COL5A2: variants seen among roughly 807,000 people sequenced by gnomAD.
COL5A2 encodes the protein collagen alpha-2(V) chain.
A neutral mutation model predicts 208.2 loss-of-function variants in COL5A2; 23 were observed. That is an observed-to-expected ratio of 0.11 (90% CI 0.08 to 0.16). The LOEUF is 0.16. Ranked by LOEUF, COL5A2 falls within the 10% of genes least tolerant of loss-of-function variation. The pLI is 1.00. For synonymous variants in COL5A2, 625 were observed against 628.5 expected, an observed-to-expected ratio of 0.99 and a Z score of 0.08; for missense variants, 1,590 against 1,956.4, an observed-to-expected ratio of 0.81 and a Z score of 3.53.
intron 1 of COL5A2, among the ~76,000 whole-genome samples, chr2:189,175,496 C>G (rs909679498): frequency 1.9e-4 from 29 of 151,546 alleles, no homozygotes; most frequent in African/African-American, 7.0e-4. Context: ...AATATGCCAG[C>G]CTTTCACTAC....
At chr2:189,419,711 G>A in the COL5A2 span, among the ~76,000 whole-genome samples, 1 of 151,794 alleles carries the variant, frequency 6.6e-6, no homozygotes, top group Non-Finnish European at 1.5e-5. Context: ...CAGGAGGATC[G>A]CCTGACCCCA....
At chr2:189,224,645 T>C (rs1428232623) in intron 1 of COL5A2, among the ~76,000 whole-genome samples, 1 of 151,922 alleles carries the variant, frequency 6.6e-6, no homozygotes. Context: ...GCTGAGAACA[T>C]GCCACTGCAC....
chr2:189,121,528 C>G (rs540310392), intron 1 of COL5A2, among the ~76,000 whole-genome samples: 1 of 151,906 alleles, frequency 6.6e-6, no homozygotes, highest in African/African-American at 2.4e-5. Context: ...TGCGGTGGTG[C>G]GGGCCAGCAG....
chr2:189,291,252 T>C, the COL5A2 span, among the ~76,000 whole-genome samples: 1 of 152,260 alleles, frequency 6.6e-6, no homozygotes, highest in East Asian at 1.9e-4. Context: ...AGTATCCTAA[T>C]AGATATCTTT....
chr2:189,103,539 G>A (rs1035961906), intron 3 of COL5A2, among the ~76,000 whole-genome samples: 6 of 151,998 alleles, frequency 3.9e-5, no homozygotes, highest in African/African-American at 1.2e-4. Flanking sequence ...TGAAGTAAAT[G>A]CCATAATTTT....
chr2:189,339,327 T>C, the COL5A2 span, among the ~76,000 whole-genome samples: 3 of 143,580 alleles, frequency 2.1e-5, no homozygotes, highest in African/African-American at 5.2e-5. Flanking sequence ...CTCCAGCCTA[T>C]ACAACAGAGT....
chr2:189,322,463 C>A, the COL5A2 span, among the ~76,000 whole-genome samples: 1 of 152,054 alleles, frequency 6.6e-6, no homozygotes, highest in Non-Finnish European at 1.5e-5. Context: ...AGAGAAGAAT[C>A]AAACAGACGC....
chr2:189,350,421 G>C, the COL5A2 span, among the ~76,000 whole-genome samples: 3 of 151,914 alleles, frequency 2.0e-5, no homozygotes, highest in African/African-American at 7.3e-5. Context: ...ATATAAGAAA[G>C]CTCTAAAAAG....
chr2:189,049,343 T>C lies in COL5A2; in HGVS notation c.3147+4A>G, dbSNP rs1685734102. 6.3e-7 allele frequency: 1 copy of C among 1,594,230 alleles called. No homozygotes were observed. Among genetic ancestry groups the C allele is most frequent in the African/African-American group, 1.3e-5 (1 of 74,590 alleles). ...AGAAGAGTTATTTTCACTGTAGTAC[T>C]CACTTCTGGTCCAGGTTCCCCTACA... On this transcript the variant is annotated splice_donor_region_variant and intron_variant, in intron 44 of 53. Coordinates refer to ENST00000374866, the MANE Select transcript of COL5A2 (RefSeq NM_000393.5).
chr2:189,209,659 A>G (rs1191553839), intron 1 of COL5A2, among the ~76,000 whole-genome samples: 1 of 152,230 alleles, frequency 6.6e-6, no homozygotes, highest in Non-Finnish European at 1.5e-5. Flanking sequence ...GAAAGAAGCA[A>G]CAATATTTGG....
At chr2:189,401,779 G>A in the COL5A2 span, among the ~76,000 whole-genome samples, 3 of 152,158 alleles carry the variant, frequency 2.0e-5, no homozygotes, top group Admixed American at 2.0e-4. Context: ...GGGGTTAGGT[G>A]GTATCTCACT....
chr2:189,275,417 CAT>C, the COL5A2 span, among the ~76,000 whole-genome samples: 8 of 149,340 alleles, frequency 5.4e-5, no homozygotes, highest in African/African-American at 1.7e-4. Flanking sequence ...AAAATTGAAA[CAT>C]GGAGTATCTT....
At chr2:189,069,741 A>G (rs1686229877) in intron 18 of COL5A2, among the ~76,000 whole-genome samples, 1 of 152,238 alleles carries the variant, frequency 6.6e-6, no homozygotes, top group Non-Finnish European at 1.5e-5. Flanking sequence ...ACAGAACAAT[A>G]AATTGTTTCC....
At chr2:189,373,834 C>CTATAATTCT in the COL5A2 span, among the ~76,000 whole-genome samples, 1 of 152,110 alleles carries the variant, frequency 6.6e-6, no homozygotes, top group Non-Finnish European at 1.5e-5. Context: ...TGAGTCGGTT[C>CTATAATTCT]TATAATTCTT....
chr2:189,425,885 C>T, the COL5A2 span, among the ~76,000 whole-genome samples: 1 of 152,142 alleles, frequency 6.6e-6, no homozygotes, highest in Admixed American at 6.6e-5. Context: ...TTGCACATTT[C>T]CTGAGGCCTC....
At chr2:189,252,007 A>G in the COL5A2 span, among the ~76,000 whole-genome samples, 1 of 152,248 alleles carries the variant, frequency 6.6e-6, no homozygotes, top group African/African-American at 2.4e-5. Context: ...AGACACATGA[A>G]AAAATGCTCA....
chr2:189,129,275 A>C (rs936761545), intron 1 of COL5A2, among the ~76,000 whole-genome samples: 9 of 152,070 alleles, frequency 5.9e-5, no homozygotes, highest in Non-Finnish European at 1.3e-4. Flanking sequence ...CTGTTTTTCT[A>C]TGCTTTTATA....
At chr2:189,398,218 G>C in the COL5A2 span, among the ~76,000 whole-genome samples, 1 of 152,064 alleles carries the variant, frequency 6.6e-6, no homozygotes, top group Non-Finnish European at 1.5e-5. Context: ...AGCCGGCCAA[G>C]CTATGGAAAA....
chr2:189,151,830 G>A (rs1001448669), intron 1 of COL5A2, among the ~76,000 whole-genome samples: 2 of 152,028 alleles, frequency 1.3e-5, no homozygotes, highest in Non-Finnish European at 2.9e-5. Context: ...ATCCTAGTAA[G>A]AAATTATATA....
Sources: allele counts gnomAD v4.1 joint callset (sites outside exome capture counted in the v4.1 genomes callset), GRCh38; gene constraint gnomAD v4.1.1; transcripts MANE v1.5; gene names NCBI Gene and HGNC (gene_info 2026-07-23, HGNC 2026-07-21).